CAMKK2: variants seen among roughly 807,000 people sequenced by gnomAD.
CAMKK2 encodes the protein calcium/calmodulin-dependent protein kinase kinase 2.
A neutral mutation model predicts 67.2 loss-of-function variants in CAMKK2; 30 were observed. The ratio of observed to expected loss-of-function variants is 0.45; its 90% CI spans 0.33 to 0.61. CAMKK2 has a LOEUF of 0.61. Among genes scored for constraint, CAMKK2 ranks in the 20% least tolerant of loss-of-function variants. The pLI is 0.02. For synonymous variants in CAMKK2, 322 were observed against 326.2 expected (o/e 0.99, Z 0.14); for missense variants, 643 against 802.0 (o/e 0.80, Z 2.39).
At chr12:121,292,819 T>A (rs984304702) in intron 1 of CAMKK2, among the ~76,000 whole-genome samples, 2 of 148,854 alleles carry the variant, frequency 1.3e-5, no homozygotes, top group African/African-American at 5.0e-5. Flanking sequence ...AAATTAAAAT[T>A]TTAGCCAGGC....
chr12:121,284,481 G>A (rs981928077), intron 1 of CAMKK2, among the ~76,000 whole-genome samples: 1 of 152,016 alleles, frequency 6.6e-6, no homozygotes, highest in Non-Finnish European at 1.5e-5. Flanking sequence ...ACGCCACCAT[G>A]CCCAGCTAAT....
At chr12:121,280,319 C>T (rs56028307) in intron 1 of CAMKK2, among the ~76,000 whole-genome samples, 6,944 of 152,268 alleles carry the variant, frequency 0.046, 492 homozygotes, top group African/African-American at 0.16. Flanking sequence ...TCAATACCCT[C>T]GTGATTTCTT....
intron 1 of CAMKK2, among the ~76,000 whole-genome samples, chr12:121,278,479 C>A (rs142756916): frequency 4.3e-4 from 65 of 152,354 alleles, no homozygotes; most frequent in African/African-American, 1.3e-3. Flanking sequence ...TCCCAAATCT[C>A]ACCTTGAATT....
At chr12:121,289,070 C>T (rs959543264) in intron 1 of CAMKK2, among the ~76,000 whole-genome samples, 1 of 152,082 alleles carries the variant, frequency 6.6e-6, no homozygotes, top group African/African-American at 2.4e-5. Flanking sequence ...ACCAATCCCC[C>T]CACCCCACCC....
chr12:121,290,671 G>C (rs2948121), intron 1 of CAMKK2, among the ~76,000 whole-genome samples: 42,009 of 152,124 alleles, frequency 0.28, 10,390 homozygotes, highest in African/African-American at 0.67. Flanking sequence ...GCCTGGGCGA[G>C]TGAGTGAGAT....
At chr12:121,267,404 G>A (rs1424157466) in intron 5 of CAMKK2, among the ~76,000 whole-genome samples, 1 of 151,724 alleles carries the variant, frequency 6.6e-6, no homozygotes, top group Non-Finnish European at 1.5e-5. Flanking sequence ...GAGCCACCGT[G>A]CCCTGCTAAA....
rs1889047770 is a variant in CAMKK2, at chr12:121,244,602, T to C, written c.1567A>G (p.Arg523Gly). 3 of 1,564,754 alleles carry C rather than the reference T, an allele frequency of 1.9e-6. No individual in the cohort carries two copies. Among genetic ancestry groups the C allele is most frequent in the Non-Finnish European group, 2.6e-6 (3 of 1,154,314 alleles). ...AGCTCAGACAGGGACTCACATTCCCTGGTTGGTTTTTTGCTGGAATCACCA... is the reference window on the plus strand; with the variant it reads ...AGCTCAGACAGGGACTCACATTCCCCGGTTGGTTTTTTGCTGGAATCACCA... ...PGNLLTKKPTRECESLSELKE... is the reference protein window; with the variant it reads ...PGNLLTKKPTGECESLSELKE... The change falls in exon 16 of 17, where the codon AGG becomes GGG. Residue 523 changes from arginine (R) to glycine (G), a missense_variant. Arg to Gly is a moderately radical substitution (Grantham distance 125). Coordinates refer to ENST00000404169, the MANE Select transcript of CAMKK2 (RefSeq NM_001270485.2).
At chr12:121,296,885 C>A (rs1901389902), upstream of CAMKK2, 1 of 151,142 alleles carries the variant, frequency 6.6e-6, no homozygotes, top group East Asian at 2.0e-4. This position sits in a 1 kb window ranked among gnomAD's most constrained non-coding sequence, Gnocchi z 7.1. Flanking sequence ...CCGCCCCCTG[C>A]GCGCCCCCGC....
intron 4 of CAMKK2, 34 bp from the exon 5 acceptor site, chr12:121,268,723 G>A (rs200940483): frequency 8.6e-5 from 138 of 1,609,826 alleles, no homozygotes; most frequent in Middle Eastern, 3.3e-4. Flanking sequence ...CCTTTAGCCA[G>A]GTCCTGTTTA....
At chr12:121,244,318 G>A (rs1888972598) in intron 16 of CAMKK2, among the ~76,000 whole-genome samples, 2 of 152,174 alleles carry the variant, frequency 1.3e-5, no homozygotes, top group African/African-American at 4.8e-5. Flanking sequence ...TTCAGACCTG[G>A]GTGCATTCTC....
intron 4 of CAMKK2, among the ~76,000 whole-genome samples, chr12:121,269,028 C>T (rs1241887820): frequency 1.3e-5 from 2 of 152,036 alleles, no homozygotes; most frequent in African/African-American, 4.8e-5. Flanking sequence ...AGGGGCAGGA[C>T]TGGTTGTTTT....
rs778892174 is a variant in CAMKK2, at chr12:121,270,919, G to A, written c.498C>T (p.Thr166=). 2.5e-6 allele frequency: 4 copies of A among 1,613,548 alleles called. No individual in the cohort carries two copies. The highest frequency in any genetic ancestry group is 3.4e-6 in the Non-Finnish European group (4 of 1,179,648). The change falls in exon 3 of 17, where the codon ACC becomes ACT. Residue 166 remains threonine, a synonymous_variant. Coordinates refer to ENST00000404169, the MANE Select transcript of CAMKK2 (RefSeq NM_001270485.2). ...MQDCVQLNQY[T]LKDEIGKGSY... ...TTACCTTTCCAATTTCATCCTTCAG[G>A]GTATACTGATTCAGCTGCACACAGT...
intron 2 of CAMKK2, among the ~76,000 whole-genome samples, chr12:121,271,192 G>A (rs145593669): frequency 5.3e-5 from 8 of 151,192 alleles, no homozygotes; most frequent in South Asian, 2.1e-4. Context: ...CGAGAATCGC[G>A]TGAGCCCAGG....
Position 121,244,576 on chromosome 12 carries a change from G to C in CAMKK2, c.1593C>G (p.Leu531=). 6.4e-7 allele frequency: 1 copy of C among 1,560,702 alleles called. No homozygotes were observed. Among genetic ancestry groups the C allele is most frequent in the African/African-American group, 1.4e-5 (1 of 73,744 alleles). Residue 531 remains leucine, a synonymous_variant, in exon 16 of 17, where the codon CTC becomes CTG. Coordinates refer to ENST00000404169, the MANE Select transcript of CAMKK2 (RefSeq NM_001270485.2). ...GGCACAGGCAGGCGGGCGTTACCTT[G>C]AGCTCAGACAGGGACTCACATTCCC... ...PTRECESLSE[L]KEARQRRQPP...
chr12:121,252,502 T>TCTGGTGATCCAC (rs71079043), intron 11 of CAMKK2, among the ~76,000 whole-genome samples, 159 bp downstream of exon 11: 3 of 151,718 alleles, frequency 2.0e-5, no homozygotes, highest in African/African-American at 4.8e-5. Flanking sequence ...ACTCCTAACC[T>TCTGGTGATCCAC]CTGCCTCAGC....
In CAMKK2 at chr12:121,253,666, G is replaced by C. The variant is rs1280601559; in HGVS notation, c.908-194C>G. 1.3e-5 allele frequency among the ~76,000 whole-genome samples: 2 copies of C among 152,126 alleles called. No homozygotes were observed. Among genetic ancestry groups the C allele is most frequent in the African/African-American group, 4.8e-5 (2 of 41,408 alleles). On this transcript the variant is annotated intron_variant, in intron 9 of 16. Transcript: ENST00000404169. The surrounding 1 kb of genome is among the most constrained non-coding windows in gnomAD (Gnocchi z 5.0). ...CATGCTCTAAAAGATGAGGGGAAAA[G>C]TGTCTTCAAGGAAGTCCCAGCCCAC...
rs191211067 is a variant in CAMKK2 at position 121,281,102 on chromosome 12, A to C, written c.-59-6517T>G. On this transcript the variant is annotated intron_variant, in intron 1 of 16. Transcript: ENST00000404169. ...ATGTCTCCCCCGGACGCCCAGCTTT[A>C]AAATTTCTCTCTTTTGTACTCTGTC... is the stretch of plus-strand genomic sequence containing the variant. Among the ~76,000 whole-genome samples the C allele has an allele frequency of 7.0e-3, 1,063 of 152,326 alleles. 11 individuals are homozygous for C. The highest frequency in any genetic ancestry group is 0.025 in the African/African-American group (1,035 of 41,576).
chr12:121,246,750 C>A (rs76901359), intron 14 of CAMKK2, among the ~76,000 whole-genome samples: 6,156 of 152,058 alleles, frequency 0.04, 168 homozygotes, highest in South Asian at 0.12. Context: ...TCTCTCTGCA[C>A]TGGCCTCTGA....
chr12:121,275,695 T>C (rs1464298847), intron 1 of CAMKK2, among the ~76,000 whole-genome samples: 3 of 151,584 alleles, frequency 2.0e-5, no homozygotes, highest in East Asian at 3.9e-4. Context: ...GGTGGTGACA[T>C]TAGTGGGTGT....
Sources: gnomAD v4.1 joint callset for allele counts (sites outside exome capture counted in the v4.1 genomes callset) on GRCh38, gnomAD v4.1.1 for gene constraint, Gnocchi (gnomAD v3.1) non-coding constraint, MANE v1.5 for transcripts, NCBI Gene and HGNC (gene_info 2026-07-23, HGNC 2026-07-21) for gene names.